DTX1: variants seen among roughly 807,000 people sequenced by gnomAD.
The protein encoded by DTX1 is E3 ubiquitin-protein ligase DTX1.
In DTX1, 26 loss-of-function variants were observed where a neutral mutation model predicts 57.8. The ratio of observed to expected loss-of-function variants is 0.45; its 90% CI spans 0.33 to 0.62. The LOEUF is 0.62. Ranked by LOEUF, DTX1 falls within the 20% of genes least tolerant of loss-of-function variation. The pLI is 0.02. For missense variants in DTX1, 704 were observed against 895.3 expected, an observed-to-expected ratio of 0.79 and a Z score of 2.73; for synonymous variants, 398 against 394.1, an observed-to-expected ratio of 1.01 and a Z score of -0.12.
intron 6 of DTX1, among the ~76,000 whole-genome samples, chr12:113,094,369 TG>T (rs945336491): frequency 6.6e-6 from 1 of 152,170 alleles, no homozygotes; most frequent in Non-Finnish European, 1.5e-5. Context: ...TTAATTCACC[TG>T]GGGGGTGGTG....
chr12:113,086,860 T>G lies in DTX1; in HGVS notation c.942-6302T>G, dbSNP rs1338958738. ...TTTTCTGCCCCGCTAGCCACTGGTG[T>G]GCAGTGACTGTCACCCCGCCTCACC... On this transcript the variant is annotated intron_variant, in intron 3 of 9. Transcript: ENST00000548759. Among the ~76,000 whole-genome samples the G allele has an allele frequency of 3.1e-5, 4 of 129,004 alleles. No homozygotes were observed. In the East Asian group the frequency reaches 1.1e-3, roughly 34 times the overall value. 84.6% of individuals were successfully genotyped at this position (129,004 alleles called of 152,430 possible).
In DTX1 at chr12:113,096,722, G is replaced by T. The variant is rs370481380; in HGVS notation, c.1646G>T (p.Arg549Leu). ...GTGTCCCTGTCCCCCCAGGTGCTGC[G>T]GCTGCTCATCACGGCCTGGGAGAGA... is the stretch of plus-strand genomic sequence containing the variant. The part of the protein sequence containing the change: ...PNNEKGRKVL[R>L]LLITAWERRL... Residue 549 changes from arginine to leucine, a missense_variant, in exon 10 of 10, where the codon CGG (arginine) becomes CTG (leucine). This residue lies in a region of DTX1 where 168 missense variants were observed against 255.6 expected (regional missense o/e 0.66). Coordinates refer to ENST00000548759, the MANE Select transcript of DTX1 (RefSeq NM_004416.3). 3 of 1,611,814 alleles carry T rather than the reference G, an allele frequency of 1.9e-6. No individual in the cohort carries two copies. Among genetic ancestry groups the T allele is most frequent in the African/African-American group, 1.3e-5 (1 of 74,834 alleles).
At position 113,092,288 on chromosome 12, in the gene DTX1, C is replaced by T. The variant is rs1950253267; in HGVS notation, c.942-874C>T. 1.3e-5 allele frequency among the ~76,000 whole-genome samples: 2 copies of T among 150,734 alleles called. 1 individual carries two copies. The highest frequency in any genetic ancestry group is 1.3e-4 in the Admixed American group (2 of 15,074). Reference sequence around the variant, plus strand: ...TAGGTACCAGGAACTGTGCTTGGCCCTTGACACATATAATTTCACGGAATC... The same window carrying T: ...TAGGTACCAGGAACTGTGCTTGGCCTTTGACACATATAATTTCACGGAATC... On this transcript the variant is annotated intron_variant, in intron 3 of 9. Coordinates refer to ENST00000548759, the MANE Select transcript of DTX1 (RefSeq NM_004416.3).
chr12:113,091,291 G>A (rs1356816511), intron 3 of DTX1, among the ~76,000 whole-genome samples: 3 of 152,158 alleles, frequency 2.0e-5, no homozygotes, highest in Admixed American at 6.5e-5. Context: ...GTGAGTGTGT[G>A]TGTATCTTAA....
At position 113,075,575 on chromosome 12, in the gene DTX1, T is replaced by C. The variant is rs1438188621; in HGVS notation, c.260-1849T>C. On this transcript the variant is annotated intron_variant, in intron 2 of 9. Coordinates refer to ENST00000548759, the MANE Select transcript of DTX1 (RefSeq NM_004416.3). Reference sequence around the variant, plus strand: ...TGCGGCCTGGACCTTGGGTTATCTCTGGTTAGCCCAGAGTTTCCCGTGGAG... The same window carrying C: ...TGCGGCCTGGACCTTGGGTTATCTCCGGTTAGCCCAGAGTTTCCCGTGGAG... Among the ~76,000 whole-genome samples, 2 of 152,206 alleles carry C rather than the reference T, an allele frequency of 1.3e-5. 1 individual carries two copies. Among genetic ancestry groups the C allele is most frequent in the Admixed American group, 1.3e-4 (2 of 15,284 alleles).
intron 2 of DTX1, among the ~76,000 whole-genome samples, chr12:113,061,048 C>G (rs2044660318): frequency 6.6e-6 from 1 of 152,186 alleles, no homozygotes; most frequent in Admixed American, 6.5e-5. Context: ...CCCGAGTCCC[C>G]AGACTTGCAC....
At chr12:113,083,074 T>C (rs73205292) in intron 3 of DTX1, among the ~76,000 whole-genome samples, 11,726 of 152,282 alleles carry the variant, frequency 0.077, 584 homozygotes, top group African/African-American at 0.13. Context: ...ATTGCATCTT[T>C]TACCTGTGTC....
intron 9 of DTX1, among the ~76,000 whole-genome samples, chr12:113,095,982 C>A (rs986049867): frequency 3.3e-5 from 5 of 152,116 alleles, no homozygotes; most frequent in African/African-American, 1.2e-4. Context: ...CTAAGGCGGG[C>A]AGATCACGAG....
chr12:113,076,059 G>T (rs974602347), intron 2 of DTX1, among the ~76,000 whole-genome samples: 2 of 151,762 alleles, frequency 1.3e-5, no homozygotes, highest in South Asian at 4.2e-4. Context: ...AAGTACGTGG[G>T]GGGTGCACAT....
chr12:113,065,481 C>T (rs781249707), intron 2 of DTX1, among the ~76,000 whole-genome samples: 14 of 152,154 alleles, frequency 9.2e-5, no homozygotes, highest in Non-Finnish European at 1.9e-4. Flanking sequence ...GACAGACCCC[C>T]TCGCAGCCCT....
rs777866361 is a variant in DTX1, at chr12:113,095,360, C to T, written c.1584C>T (p.Thr528=). 8 of 1,614,090 alleles carry T rather than the reference C, an allele frequency of 5.0e-6. No individual in the cohort carries two copies. The highest frequency in any genetic ancestry group is 1.1e-5 in the South Asian group (1 of 91,084). Residue 528 remains threonine (T), a synonymous_variant, in exon 9 of 10, where the codon ACC becomes ACT. Coordinates refer to ENST00000548759, the MANE Select transcript of DTX1 (RefSeq NM_004416.3). ...PEHPNPGKKF[T]ARGFPRHCYL... ...ACCCCAACCCCGGGAAGAAGTTCAC[C>T]GCAAGAGGATTCCCTCGCCACTGCT...
chr12:113,066,610 C>G (rs1461177855), intron 2 of DTX1, among the ~76,000 whole-genome samples: 4 of 152,036 alleles, frequency 2.6e-5, no homozygotes, highest in Admixed American at 6.6e-5. Flanking sequence ...CTCTGAGCCT[C>G]TGTTTCCTCA....
chr12:113,092,352 TC>T (rs1362995033), intron 3 of DTX1, among the ~76,000 whole-genome samples: 6 of 150,472 alleles, frequency 4.0e-5, no homozygotes, highest in African/African-American at 1.5e-4. Context: ...TACCATATTG[TC>T]CCCATTTTAC....
rs1592838658 is a variant in DTX1, at chr12:113,057,536, T to G, written c.-657T>G. 1 of 147,994 alleles carries G rather than the reference T, an allele frequency of 6.8e-6. No homozygotes were observed. Among genetic ancestry groups the G allele is most frequent in the African/African-American group, 2.5e-5 (1 of 40,406 alleles). The allele number at this position is 147,994 out of a possible 1,614,324, so 9.2% of individuals were successfully genotyped here. The stretch of plus-strand genomic sequence containing the variant: ...CCCCAGCCCAGCTCCGGAGCCGCAG[T>G]CCAGGCGCGCCGCCCGAGGGTCCAC... On this transcript the variant is annotated 5_prime_UTR_variant, in exon 2 of 10. Coordinates refer to ENST00000548759, the MANE Select transcript of DTX1 (RefSeq NM_004416.3).
In DTX1 at chr12:113,093,797, C is replaced by G. The variant is rs1950264805; in HGVS notation, c.1165+97C>G. 8 of 1,533,832 alleles carry G rather than the reference C, an allele frequency of 5.2e-6. No homozygotes were observed. The highest frequency in any genetic ancestry group is 6.2e-6 in the Non-Finnish European group (7 of 1,131,340). On this transcript the variant is annotated intron_variant, in intron 5 of 9. Transcript: ENST00000548759. This position sits in a 1 kb window ranked among gnomAD's most constrained non-coding sequence, Gnocchi z 4.2. ...GTCTCCAACTTATTCTTAGCATTTA[C>G]TACCTCACCTCCATTGCCTGATCTC...
chr12:113,096,372 C>T (rs1361896056), intron 9 of DTX1, among the ~76,000 whole-genome samples: 3 of 127,520 alleles, frequency 2.4e-5, no homozygotes, highest in Non-Finnish European at 3.1e-5. Context: ...CCCAGGAGTT[C>T]GAGGCTGCAG....
intron 2 of DTX1, among the ~76,000 whole-genome samples, chr12:113,075,771 T>A (rs995645808): frequency 1.3e-5 from 2 of 151,250 alleles, no homozygotes; most frequent in East Asian, 3.9e-4. Flanking sequence ...AATAAGCAAA[T>A]GAAGGAATGG....
chr12:113,070,937 G>C (rs1218467869), intron 2 of DTX1, among the ~76,000 whole-genome samples: 4 of 152,260 alleles, frequency 2.6e-5, no homozygotes, highest in Admixed American at 1.3e-4. Context: ...AGGATGGAAT[G>C]AGTGAGTGCA....
In DTX1 at chr12:113,093,720, C is replaced by A. The variant is rs1485427101; in HGVS notation, c.1165+20C>A. On this transcript the variant is annotated intron_variant, in intron 5 of 9. Transcript: ENST00000548759. The surrounding 1 kb of genome is among the most constrained non-coding windows in gnomAD (Gnocchi z 4.2). ...AAAAGAGTACGCCCTCCACGCCCTG[C>A]CTCACACGAGATGAACCCCACTAAG... The A allele has an allele frequency of 1.2e-6, 2 of 1,611,468 alleles. No homozygotes were observed. The highest frequency in any genetic ancestry group is 1.7e-6 in the Non-Finnish European group (2 of 1,178,478).
Sources: allele counts gnomAD v4.1 joint callset (sites outside exome capture counted in the v4.1 genomes callset), GRCh38; gene constraint gnomAD v4.1.1; regional missense constraint gnomAD v4.1.1; non-coding constraint Gnocchi (gnomAD v3.1); transcripts MANE v1.5; gene names NCBI Gene and HGNC (gene_info 2026-07-23, HGNC 2026-07-21).